Variants in ETS1 observed in about 807,000 individuals in gnomAD.
ETS1 encodes the protein ETS proto-oncogene 1, transcription factor, also known as protein C-ets-1.
A neutral mutation model predicts 58.6 loss-of-function variants in ETS1; 15 were observed. The observed-to-expected ratio is 0.26, with a 90% confidence interval of 0.17 to 0.39. The LOEUF (loss-of-function observed/expected upper bound fraction) is 0.39, where lower values mean the gene tolerates loss of function less well. Ranked by LOEUF, ETS1 falls within the 10% of genes least tolerant of loss-of-function variation. ETS1 has a pLI of 1.00. For missense variants in ETS1, 417 were observed against 610.5 expected, an observed-to-expected ratio of 0.68 and a Z score of 3.34; for synonymous variants, 214 against 218.2, an observed-to-expected ratio of 0.98 and a Z score of 0.17.
At chr11:128,558,063 A>G (rs1219129136) in intron 2 of ETS1, among the ~76,000 whole-genome samples, 1 of 152,234 alleles carries the variant, frequency 6.6e-6, no homozygotes, top group Admixed American at 6.5e-5. Flanking sequence ...ATGATATTGG[A>G]CCTGGTGTTC....
In ETS1 at chr11:128,513,941, A is replaced by G. The variant is rs141699924; in HGVS notation, c.215-23365T>C. On this transcript the variant is annotated intron_variant, in intron 3 of 9. Transcript: ENST00000392668. ...CAACACATTTTTATTCTGAACATGA[A>G]TGATACTAATGCATCACACAACTCT... 5.7e-4 allele frequency among the ~76,000 whole-genome samples: 87 copies of G among 152,344 alleles called. No individual in the cohort carries two copies. The East Asian group carries it at 7.9e-3, about 14-fold the overall frequency.
chr11:128,480,388 G>A lies in ETS1; in HGVS notation c.926C>T (p.Thr309Ile). The change falls in exon 8 of 10, where the codon ACC (threonine) becomes ATC (isoleucine). Residue 309 changes from threonine (T) to isoleucine (I), a missense_variant. Thr to Ile is a moderately conservative substitution (Grantham distance 89). Transcript: ENST00000392668. Reference sequence around the variant, plus strand: ...AGATGACTGGCTGCTCCAGGACTGGGTGAGGCGATCACAACTATCGTAGCT... The same window carrying A: ...AGATGACTGGCTGCTCCAGGACTGGATGAGGCGATCACAACTATCGTAGCT... Reference protein sequence around the residue: ...IESYDSCDRLTQSWSSQSSFN... With the variant: ...IESYDSCDRLIQSWSSQSSFN... 1 of 1,614,128 alleles carries A rather than the reference G, an allele frequency of 6.2e-7. No homozygotes were observed. Among genetic ancestry groups the A allele is most frequent in the African/African-American group, 1.3e-5 (1 of 75,018 alleles).
intron 4 of ETS1, among the ~76,000 whole-genome samples, chr11:128,489,700 C>G (rs1862743576): frequency 1.3e-5 from 2 of 152,134 alleles, no homozygotes; most frequent in African/African-American, 4.8e-5. Context: ...ATTTCACCAG[C>G]TAGGAGGTCA....
intron 2 of ETS1, among the ~76,000 whole-genome samples, chr11:128,564,261 GGC>G (rs1864453537): frequency 6.6e-6 from 1 of 152,168 alleles, no homozygotes; most frequent in African/African-American, 2.4e-5. Flanking sequence ...AGCAGGAACA[GGC>G]AAAATAGGAA....
chr11:128,490,371 G>A (rs553551363), intron 4 of ETS1, 86 bp downstream of exon 4: 40 of 1,421,048 alleles, frequency 2.8e-5, no homozygotes, highest in African/African-American at 7.1e-5. Context: ...TTAGTGTAAC[G>A]TCTGCCTCAC....
chr11:128,523,888 A>G (rs566306857), intron 3 of ETS1, among the ~76,000 whole-genome samples: 40 of 152,148 alleles, frequency 2.6e-4, no homozygotes, highest in African/African-American at 8.9e-4. Flanking sequence ...CTGATGAATG[A>G]ATTGTACATT....
chr11:128,497,789 A>G (rs1203986728), intron 3 of ETS1, among the ~76,000 whole-genome samples: 1 of 152,130 alleles, frequency 6.6e-6, no homozygotes, highest in African/African-American at 2.4e-5. Context: ...ACCATCCTCC[A>G]CCTCAGCAAA....
chr11:128,506,366 T>C (rs1863233487), intron 3 of ETS1, among the ~76,000 whole-genome samples: 1 of 152,156 alleles, frequency 6.6e-6, no homozygotes, highest in African/African-American at 2.4e-5. Flanking sequence ...AATGAATACC[T>C]TGGTGATAGA....
At chr11:128,470,924 A>G (rs965528686) in intron 8 of ETS1, among the ~76,000 whole-genome samples, 1 of 152,242 alleles carries the variant, frequency 6.6e-6, no homozygotes, top group African/African-American at 2.4e-5. Context: ...ACACGCACCA[A>G]AAGAGACAGC....
intron 3 of ETS1, among the ~76,000 whole-genome samples, chr11:128,518,301 AG>A (rs1176330054): frequency 2.0e-5 from 3 of 152,222 alleles, no homozygotes; most frequent in Admixed American, 2.0e-4. Flanking sequence ...GATTATCAGG[AG>A]GTACATAACA....
intron 3 of ETS1, among the ~76,000 whole-genome samples, chr11:128,551,372 G>A (rs1333067735): frequency 6.6e-6 from 1 of 152,210 alleles, no homozygotes; most frequent in African/African-American, 2.4e-5. Context: ...CCAGCCGCTA[G>A]GCCATATGAG....
chr11:128,501,893 C>T (rs1863098805), intron 3 of ETS1, among the ~76,000 whole-genome samples: 1 of 152,196 alleles, frequency 6.6e-6, no homozygotes, highest in Non-Finnish European at 1.5e-5. Flanking sequence ...CAGTTCTCCC[C>T]TCGAGTTTCT....
At chr11:128,547,875 C>T (rs959336280) in intron 3 of ETS1, among the ~76,000 whole-genome samples, 2 of 151,914 alleles carry the variant, frequency 1.3e-5, no homozygotes, top group Admixed American at 6.6e-5. Flanking sequence ...AGCTGAGGGG[C>T]CACTCACACT....
chr11:128,516,499 G>T (rs1863527924), intron 3 of ETS1, among the ~76,000 whole-genome samples: 1 of 152,214 alleles, frequency 6.6e-6, no homozygotes, highest in African/African-American at 2.4e-5. Flanking sequence ...TCTCTGCGGT[G>T]ACAGTGTGGG....
chr11:128,545,511 G>C (rs920803156), intron 3 of ETS1, among the ~76,000 whole-genome samples: 9 of 152,154 alleles, frequency 5.9e-5, no homozygotes, highest in African/African-American at 2.2e-4. Context: ...TGTAAAATGG[G>C]AATAGTATCA....
chr11:128,475,066 C>G (rs1862285934), intron 8 of ETS1, among the ~76,000 whole-genome samples: 1 of 152,262 alleles, frequency 6.6e-6, no homozygotes, highest in Non-Finnish European at 1.5e-5. Flanking sequence ...AGCTTCGCTC[C>G]TGTTATCTCC....
intron 7 of ETS1, 23 bp downstream of exon 7, chr11:128,484,800 T>C (rs1862580492): frequency 2.5e-6 from 4 of 1,601,518 alleles, no homozygotes; most frequent in Non-Finnish European, 2.6e-6. Context: ...CCCAAGAGCT[T>C]TTAGAGAAGA....
At position 128,490,589 on chromosome 11, in the gene ETS1, A is replaced by C; in HGVS notation, c.215-13T>G. The C allele has an allele frequency of 4.4e-6, 7 of 1,606,420 alleles. No homozygotes were observed. Among genetic ancestry groups the C allele is most frequent in the Non-Finnish European group, 6.0e-6 (7 of 1,173,528 alleles). On this transcript the variant is annotated splice_polypyrimidine_tract_variant and intron_variant, in intron 3 of 9. Transcript: ENST00000392668. The stretch of plus-strand genomic sequence containing the variant: ...GCACATTCCATATCTGCATGAAAAA[A>C]TTGCATATGAATAACAAAAATTACA...
intron 7 of ETS1, among the ~76,000 whole-genome samples, chr11:128,481,705 T>G (rs1287763269): frequency 1.3e-5 from 2 of 152,200 alleles, no homozygotes; most frequent in African/African-American, 2.4e-5. Flanking sequence ...CAACTTCATA[T>G]TAGTGTGCCT....
Sources: allele counts gnomAD v4.1 joint callset (sites outside exome capture counted in the v4.1 genomes callset), GRCh38; gene constraint gnomAD v4.1.1; transcripts MANE v1.5; gene names NCBI Gene and HGNC (gene_info 2026-07-23, HGNC 2026-07-21).